DAB1: variants seen among roughly 807,000 people sequenced by gnomAD.
DAB1 encodes the protein disabled homolog 1.
In DAB1, 15 loss-of-function variants were observed where a neutral mutation model predicts 64.6. The observed-to-expected ratio is 0.23, with a 90% confidence interval of 0.16 to 0.36. The LOEUF is 0.36. Among genes scored for constraint, DAB1 ranks in the 10% least tolerant of loss-of-function variants. The probability of loss-of-function intolerance (pLI) is 1.00; values close to 1 mark genes in which losing one functional copy is unlikely to be tolerated. For synonymous variants in DAB1, 235 were observed against 251.9 expected, an observed-to-expected ratio of 0.93 and a Z score of 0.64; for missense variants, 596 against 706.7, an observed-to-expected ratio of 0.84 and a Z score of 1.78.
chr1:57,499,823 G>A (rs1644270190), intron 7 of DAB1, among the ~76,000 whole-genome samples: 1 of 152,106 alleles, frequency 6.6e-6, no homozygotes, highest in Non-Finnish European at 1.5e-5. Flanking sequence ...AATTTGTTAT[G>A]CTTACCTGGG....
chr1:58,258,451 AG>A (rs1660982740), intron 4 of DAB1, among the ~76,000 whole-genome samples: 1 of 152,214 alleles, frequency 6.6e-6, no homozygotes, highest in Non-Finnish European at 1.5e-5. Context: ...AGACGAAATG[AG>A]GGTTCTAATT....
chr1:57,701,401 G>A (rs1411717387), intron 6 of DAB1, among the ~76,000 whole-genome samples: 1 of 152,136 alleles, frequency 6.6e-6, no homozygotes, highest in African/African-American at 2.4e-5. Flanking sequence ...CATGTCCTTT[G>A]TAGGGACATG....
At chr1:57,308,932 G>A (rs1330028528) in intron 1 of DAB1, among the ~76,000 whole-genome samples, 1 of 152,136 alleles carries the variant, frequency 6.6e-6, no homozygotes, top group Non-Finnish European at 1.5e-5. Flanking sequence ...ATATCAGCTA[G>A]ACCCATAGCC....
chr1:57,965,620 G>A (rs916702093), intron 5 of DAB1, among the ~76,000 whole-genome samples: 10 of 152,114 alleles, frequency 6.6e-5, no homozygotes, highest in Non-Finnish European at 1.2e-4. Context: ...AGAAATACTT[G>A]TAGAGGAAGG....
intron 2 of DAB1, among the ~76,000 whole-genome samples, chr1:57,176,108 G>A (rs1161111208): frequency 4.6e-5 from 7 of 152,140 alleles, no homozygotes. Flanking sequence ...ACAAGAGGCT[G>A]TATATTAGGA....
intron 6 of DAB1, among the ~76,000 whole-genome samples, chr1:57,786,200 G>A (rs1650330474): frequency 6.6e-6 from 1 of 152,136 alleles, no homozygotes; most frequent in Non-Finnish European, 1.5e-5. Flanking sequence ...ATGGACTACA[G>A]TATAGTATAA....
chr1:57,871,122 C>T (rs1371755628), intron 1 of DAB1, among the ~76,000 whole-genome samples: 1 of 152,106 alleles, frequency 6.6e-6, no homozygotes, highest in Non-Finnish European at 1.5e-5. Flanking sequence ...AGCAATATCA[C>T]CCTCCTCCTC....
chr1:57,049,293 C>CA (rs1211248640), intron 9 of DAB1, among the ~76,000 whole-genome samples: 5 of 150,170 alleles, frequency 3.3e-5, no homozygotes, highest in Admixed American at 6.6e-5. Flanking sequence ...ACTAAAAATA[C>CA]AAAAAAAATT....
intron 2 of DAB1, among the ~76,000 whole-genome samples, chr1:57,178,019 G>A (rs1662514776): frequency 6.6e-6 from 1 of 151,992 alleles, no homozygotes; most frequent in Non-Finnish European, 1.5e-5. Flanking sequence ...CTGTAAAATG[G>A]GGCTATGACT....
rs13374829 is a variant in DAB1 at position 58,171,197 on chromosome 1, G to A, written n.310-20609C>T. Among the ~76,000 whole-genome samples, 624 of 152,290 alleles carry A rather than the reference G, an allele frequency of 4.1e-3. 6 individuals carry two copies. The highest frequency in any genetic ancestry group is 0.015 in the African/African-American group (608 of 41,556). On this transcript the variant is annotated intron_variant and non_coding_transcript_variant, in intron 4 of 20. Transcript: ENST00000485760. ...ACCCATTTGTTGTCCCCTACTTGAGGAGGGAATCAACCCTGAAGTCTGGGC... is the reference window on the plus strand; with the variant it reads ...ACCCATTTGTTGTCCCCTACTTGAGAAGGGAATCAACCCTGAAGTCTGGGC...
intron 2 of DAB1, among the ~76,000 whole-genome samples, chr1:57,146,543 TTTC>T (rs386631465): frequency 0.14 from 21,258 of 152,198 alleles, 1,640 homozygotes; most frequent in South Asian, 0.19. Flanking sequence ...AACTAAGGCC[TTTC>T]TATATTGTGG....
chr1:57,927,709 C>T (rs539116487), intron 5 of DAB1, among the ~76,000 whole-genome samples: 7 of 152,144 alleles, frequency 4.6e-5, no homozygotes, highest in Admixed American at 2.6e-4. Context: ...ATAACAAACC[C>T]GAAAGTACAT....
intron 6 of DAB1, among the ~76,000 whole-genome samples, chr1:57,766,266 T>TAA (rs59419561): frequency 2.1e-5 from 3 of 141,574 alleles, no homozygotes; most frequent in Admixed American, 1.4e-4. Flanking sequence ...GCAGGCAGAT[T>TAA]AAAAAAAAAA....
chr1:57,988,545 C>T (rs1317986884), intron 5 of DAB1, among the ~76,000 whole-genome samples: 1 of 152,216 alleles, frequency 6.6e-6, no homozygotes, highest in Non-Finnish European at 1.5e-5. Context: ...GAGCAGGATC[C>T]TGGTCACTGA....
intron 2 of DAB1, among the ~76,000 whole-genome samples, chr1:57,198,123 A>G (rs992040844): frequency 6.6e-6 from 1 of 152,224 alleles, no homozygotes; most frequent in Non-Finnish European, 1.5e-5. Context: ...GTGGAAGGAT[A>G]TTAAAATACG....
intron 4 of DAB1, among the ~76,000 whole-genome samples, chr1:58,272,599 T>C (rs1661332208): frequency 8.1e-6 from 1 of 122,818 alleles, no homozygotes; most frequent in South Asian, 3.4e-4. Context: ...TCTGTCTCGT[T>C]GATCTGTCTA....
chr1:57,805,165 G>C (rs529022250), intron 6 of DAB1, among the ~76,000 whole-genome samples: 1 of 152,202 alleles, frequency 6.6e-6, no homozygotes. Flanking sequence ...ATGCTGCTAC[G>C]GACTTTCTCA....
At chr1:57,875,395 C>T (rs1392737927) in intron 1 of DAB1, among the ~76,000 whole-genome samples, 6 of 152,130 alleles carry the variant, frequency 3.9e-5, no homozygotes, top group Admixed American at 3.3e-4. Flanking sequence ...CCTTGCTCTA[C>T]GACTCAGCTC....
At chr1:57,502,077 T>G (rs947085451) in intron 7 of DAB1, among the ~76,000 whole-genome samples, 2 of 151,782 alleles carry the variant, frequency 1.3e-5, no homozygotes, top group Non-Finnish European at 2.9e-5. Flanking sequence ...TCCCAGCACT[T>G]TGGGAGGCCG....
Sources: gnomAD v4.1 joint callset for allele counts (sites outside exome capture counted in the v4.1 genomes callset) on GRCh38, gnomAD v4.1.1 for gene constraint, MANE v1.5 for transcripts, NCBI Gene and HGNC (gene_info 2026-07-23, HGNC 2026-07-21) for gene names.